UBR2: variants seen among roughly 807,000 people sequenced by gnomAD.
UBR2 encodes the protein E3 ubiquitin-protein ligase UBR2.
UBR2 carries 92 observed loss-of-function variants against 247.9 expected under a neutral mutation model. That is an observed-to-expected ratio of 0.37 (90% CI 0.31 to 0.44). The LOEUF is 0.44. UBR2 is among the 20% of genes least tolerant of loss of function. The pLI is 1.00. For missense variants in UBR2, 1,613 were observed against 2,112.6 expected, an observed-to-expected ratio of 0.76 and a Z score of 4.64; for synonymous variants, 672 against 693.5, an observed-to-expected ratio of 0.97 and a Z score of 0.49.
intron 8 of UBR2, among the ~76,000 whole-genome samples, chr6:42,613,497 C>T (rs754710954): frequency 3.3e-5 from 5 of 152,084 alleles, no homozygotes; most frequent in South Asian, 4.2e-4. Context: ...TGTGGTGGGA[C>T]GATCCCTCGA....
intron 2 of UBR2, among the ~76,000 whole-genome samples, chr6:42,579,910 C>T (rs1311263930): frequency 6.6e-6 from 1 of 152,130 alleles, no homozygotes; most frequent in Non-Finnish European, 1.5e-5. Flanking sequence ...TTTCACTTAA[C>T]AGTTTGTTTT....
At position 42,564,040 on chromosome 6, in the gene UBR2, C is replaced by A; in HGVS notation, c.-280C>A. On this transcript the variant is annotated 5_prime_UTR_variant, in exon 1 of 47. Transcript: ENST00000372901. The stretch of plus-strand genomic sequence containing the variant: ...TGGTGCAGGACGCGGTAGTGGCCAG[C>A]GAGAGTGTCAGGCCTGGGGTTTTCT... 1 of 481,190 alleles carries A rather than the reference C, an allele frequency of 2.1e-6. No homozygotes were observed. The highest frequency in any genetic ancestry group is 3.9e-5 in the East Asian group (1 of 25,666). 29.8% of individuals were successfully genotyped at this position (481,190 alleles called of 1,614,324 possible). A position where few individuals can be genotyped will look rare whatever the true frequency, so the allele number is the denominator to read the frequency against.
intron 1 of UBR2, among the ~76,000 whole-genome samples, chr6:42,571,600 G>A (rs866917228): frequency 6.6e-6 from 1 of 151,624 alleles, no homozygotes; most frequent in South Asian, 2.1e-4. Context: ...AAAATTAGCC[G>A]CGTGTGGTGG....
intron 44 of UBR2, among the ~76,000 whole-genome samples, chr6:42,686,591 G>A (rs1222070237): frequency 5.3e-5 from 8 of 152,248 alleles, no homozygotes; most frequent in African/African-American, 1.9e-4. Context: ...TGAGCTGTTG[G>A]TTGCACCTCC....
chr6:42,650,655 T>C (rs556784084), intron 23 of UBR2, among the ~76,000 whole-genome samples: 3 of 152,274 alleles, frequency 2.0e-5, no homozygotes, highest in Admixed American at 6.5e-5. Flanking sequence ...AAATGATACA[T>C]TTTTATTGTA....
chr6:42,646,948 A>G (rs1467916719), intron 21 of UBR2, among the ~76,000 whole-genome samples: 2 of 151,728 alleles, frequency 1.3e-5, no homozygotes, highest in Non-Finnish European at 2.9e-5. Context: ...CAGCCTCCCA[A>G]GTAGCTGGGA....
At chr6:42,601,340 T>C (rs1793343541) in intron 4 of UBR2, among the ~76,000 whole-genome samples, 1 of 152,124 alleles carries the variant, frequency 6.6e-6, no homozygotes, top group Admixed American at 6.5e-5. Flanking sequence ...ACCATGTCAG[T>C]TATTTCTAAA....
At chr6:42,600,738 A>G (rs1287318566) in intron 4 of UBR2, among the ~76,000 whole-genome samples, 1 of 151,820 alleles carries the variant, frequency 6.6e-6, no homozygotes, top group Non-Finnish European at 1.5e-5. Flanking sequence ...TGGCAAGATC[A>G]TGGCTCACTT....
rs546007835 is a variant in UBR2 at position 42,689,492 on chromosome 6, T to C, written c.5025-77T>C. On this transcript the variant is annotated intron_variant, in intron 45 of 46. Transcript: ENST00000372901. This position sits in a 1 kb window ranked among gnomAD's most constrained non-coding sequence, Gnocchi z 4.0. Reference sequence around the variant, plus strand: ...GGTTTAAATATCAGTACTATAAGACTTCATTCTATTTGGAACTGAATACAA... The same window carrying C: ...GGTTTAAATATCAGTACTATAAGACCTCATTCTATTTGGAACTGAATACAA... 1.6e-5 allele frequency: 22 copies of C among 1,368,232 alleles called. No individual in the cohort carries two copies. Among genetic ancestry groups the C allele is most frequent in the Middle Eastern group, 1.8e-4 (1 of 5,600 alleles). The allele number at this position is 1,368,232 out of a possible 1,614,324, so 84.8% of individuals were successfully genotyped here. A position where few individuals can be genotyped will look rare whatever the true frequency, so the allele number is the denominator to read the frequency against.
intron 2 of UBR2, among the ~76,000 whole-genome samples, chr6:42,591,405 A>G (rs1434173653): frequency 1.3e-5 from 2 of 152,156 alleles, no homozygotes; most frequent in Non-Finnish European, 2.9e-5. Flanking sequence ...TACACTCCCC[A>G]TTTCATTTCA....
intron 11 of UBR2, 140 bp from the exon 12 acceptor site, chr6:42,632,412 C>T (rs1406695252): frequency 1.6e-6 from 1 of 643,250 alleles, no homozygotes; most frequent in African/African-American, 1.9e-5. Flanking sequence ...TTTAGAAATA[C>T]ACAGTAATGC....
At chr6:42,646,013 C>A in intron 21 of UBR2, among the ~76,000 whole-genome samples, 1 of 152,130 alleles carries the variant, frequency 6.6e-6, no homozygotes, top group East Asian at 1.9e-4. Context: ...AAGCTTTTTC[C>A]TTCTTGGCCT....
chr6:42,686,619 A>G (rs1201951511), intron 44 of UBR2, among the ~76,000 whole-genome samples: 2 of 152,278 alleles, frequency 1.3e-5, no homozygotes, highest in African/African-American at 4.8e-5. Context: ...GGTGGCGGCC[A>G]GGTAGAGAGG....
At chr6:42,681,672 T>C (rs187680560) in intron 42 of UBR2, among the ~76,000 whole-genome samples, 2 of 152,304 alleles carry the variant, frequency 1.3e-5, no homozygotes, top group East Asian at 3.9e-4. Context: ...ATAGAGCCAC[T>C]ACGGAAGACA....
At chr6:42,690,409 TAGTG>T (rs1173346317) in intron 46 of UBR2, among the ~76,000 whole-genome samples, 2 of 152,138 alleles carry the variant, frequency 1.3e-5, no homozygotes, top group African/African-American at 4.8e-5. Flanking sequence ...AGAGTCTGAT[TAGTG>T]AGTGAGAGGA....
chr6:42,639,462 G>A (rs1295583257), intron 15 of UBR2, among the ~76,000 whole-genome samples: 4 of 152,226 alleles, frequency 2.6e-5, no homozygotes, highest in African/African-American at 4.8e-5. Flanking sequence ...GCATGGTGGA[G>A]TGCACCTGTA....
Position 42,666,219 on chromosome 6 carries a change from A to C in UBR2, c.3855A>C (p.Glu1285Asp). 6.2e-7 allele frequency: 1 copy of C among 1,613,242 alleles called. No homozygotes were observed. Among genetic ancestry groups the C allele is most frequent in the South Asian group, 1.1e-5 (1 of 90,798 alleles). ...SENVDELQLP[E>D]GFRPDFRPKI... ...ATGTGGATGAATTACAGCTCCCTGAAGGGTTCAGGCCTGATTTTCGTCCTA... is the reference window on the plus strand; with the variant it reads ...ATGTGGATGAATTACAGCTCCCTGACGGGTTCAGGCCTGATTTTCGTCCTA... The change falls in exon 34 of 47, where the codon GAA becomes GAC. Residue 1285 changes from glutamate (E) to aspartate (D), a missense_variant. By Grantham distance (45) the Glu-to-Asp change is conservative (BLOSUM62 2). Transcript: ENST00000372901.
chr6:42,658,344 A>G (rs373869066), intron 28 of UBR2, 24 bp downstream of exon 28: 5 of 1,584,660 alleles, frequency 3.2e-6, no homozygotes, highest in Non-Finnish European at 4.3e-6. Flanking sequence ...AAAGTGTGAT[A>G]ATACTAAAAA....
At chr6:42,661,204 C>T (rs988630102) in intron 30 of UBR2, among the ~76,000 whole-genome samples, 67 of 151,788 alleles carry the variant, frequency 4.4e-4, no homozygotes, top group African/African-American at 1.6e-3. Flanking sequence ...AGGAGAATGG[C>T]GTGAACCCAG....
Sources: allele counts gnomAD v4.1 joint callset (sites outside exome capture counted in the v4.1 genomes callset), GRCh38; gene constraint gnomAD v4.1.1; non-coding constraint Gnocchi (gnomAD v3.1); transcripts MANE v1.5; gene names NCBI Gene and HGNC (gene_info 2026-07-23, HGNC 2026-07-21).